Variants in XPO7 observed in about 807,000 individuals in gnomAD.
XPO7 encodes exportin-7.
XPO7 carries 21 observed loss-of-function variants against 144.3 expected under a neutral mutation model. The observed-to-expected ratio is 0.15, with a 90% CI of 0.10 to 0.21. The LOEUF (loss-of-function observed/expected upper bound fraction) is 0.21. Among genes scored for constraint, XPO7 ranks in the 10% least tolerant of loss-of-function variants. The probability of loss-of-function intolerance (pLI) is 1.00; values close to 1 mark genes in which losing one functional copy is unlikely to be tolerated. For missense variants in XPO7, 808 were observed against 1,325.8 expected, an observed-to-expected ratio of 0.61 and a Z score of 6.06; for synonymous variants, 580 against 499.6, an observed-to-expected ratio of 1.16 and a Z score of -2.15.
At chr8:21,974,613 GA>G in intron 5 of XPO7, 56 bp from the exon 6 acceptor site, 1 of 1,285,066 alleles carries the variant, frequency 7.8e-7, no homozygotes, top group South Asian at 1.4e-5. Flanking sequence ...AAGTCTACAT[GA>G]AAAATTCTTT....
rs774838580 is a variant in XPO7 at position 21,988,993 on chromosome 8, T to C, written c.1788-10T>C. ...GGTCTCCTGCTTTTTTTTTTCTTTT[T>C]GTCCTCCAGCATCACCAACTTGAAG... On this transcript the variant is annotated splice_polypyrimidine_tract_variant and intron_variant, in intron 15 of 27. Coordinates refer to ENST00000252512, the MANE Select transcript of XPO7 (RefSeq NM_015024.5). The C allele has an allele frequency of 4.3e-6, 7 of 1,611,326 alleles. No individual in the cohort carries two copies. Among genetic ancestry groups the C allele is most frequent in the Non-Finnish European group, 5.9e-6 (7 of 1,179,238 alleles).
At chr8:21,979,410 G>GT (rs1202192057) in intron 8 of XPO7, among the ~76,000 whole-genome samples, 231 of 128,986 alleles carry the variant, frequency 1.8e-3, no homozygotes, top group Middle Eastern at 4.0e-3. Flanking sequence ...TTTTTTTTTC[G>GT]TTTTTTTTTG....
intron 3 of XPO7, 24 bp downstream of exon 3, chr8:21,969,600 G>T: frequency 6.3e-7 from 1 of 1,592,308 alleles, no homozygotes; most frequent in Non-Finnish European, 8.6e-7. Flanking sequence ...TTTCTGTTCT[G>T]TCTTGAAGAA....
chr8:21,958,610 GA>G lies in XPO7; in HGVS notation c.19-8235del, dbSNP rs537417045. Among the ~76,000 whole-genome samples, 1,213 of 138,820 alleles carry G rather than the reference GA, an allele frequency of 8.7e-3. 10 individuals carry two copies. Among genetic ancestry groups the G allele is most frequent in the Non-Finnish European group, 0.013 (802 of 63,738 alleles). The allele number at this position is 138,820 out of a possible 152,430, so 91.1% of individuals were successfully genotyped here. ...ACAAAACTGCAAGAAACATGGCAGT[GA>G]AAAAAAAAAAACCCGTAAAGGACCT... On this transcript the variant is annotated intron_variant, in intron 1 of 27. Transcript: ENST00000252512.
intron 5 of XPO7, among the ~76,000 whole-genome samples, chr8:21,974,010 TTTTTTG>T (rs956394042): frequency 1.3e-5 from 2 of 152,086 alleles, no homozygotes; most frequent in African/African-American, 2.4e-5. Flanking sequence ...GTTGAGGGTT[TTTTTTG>T]TTTTTGTTTT....
chr8:21,951,829 A>AT (rs5890012), intron 1 of XPO7, among the ~76,000 whole-genome samples: 55,617 of 152,074 alleles, frequency 0.37, 10,646 homozygotes, highest in East Asian at 0.44. Context: ...TGGAATTTAC[A>AT]TAAAGTCTTA....
At position 21,927,825 on chromosome 8, in the gene XPO7, G is replaced by A. The variant is rs181718646; in HGVS notation, c.18+8037G>A. On this transcript the variant is annotated intron_variant, in intron 1 of 27. Coordinates refer to ENST00000252512, the MANE Select transcript of XPO7 (RefSeq NM_015024.5). ...CTCCCAAAGTGCTGGGATTACAGGC[G>A]TGAGCCACCGCACCTGGCTGACCCA... Among the ~76,000 whole-genome samples the A allele has an allele frequency of 6.6e-5, 10 of 152,272 alleles. No homozygotes were observed. In the East Asian group the frequency reaches 9.6e-4, roughly 15 times the overall value.
chr8:22,003,430 G>A (rs1813222054), intron 26 of XPO7, 113 bp downstream of exon 26: 2 of 758,152 alleles, frequency 2.6e-6, no homozygotes, highest in African/African-American at 1.8e-5. Context: ...GTGAAACAGG[G>A]AAAATGGGTC....
chr8:21,974,369 G>A (rs763297144), intron 5 of XPO7, among the ~76,000 whole-genome samples: 11 of 151,928 alleles, frequency 7.2e-5, no homozygotes, highest in Non-Finnish European at 1.0e-4. Context: ...TATCAGTAAC[G>A]TCTGCCAACA....
At position 21,970,106 on chromosome 8, in the gene XPO7, T is replaced by A. The variant is rs1189974217; in HGVS notation, c.260-38T>A. ...ACCCTTCTCTGGCAGAGCTTTCTAT[T>A]ATGTGGATTGGTTTTGTTTCTTGTT... On this transcript the variant is annotated intron_variant, in intron 3 of 27. Transcript: ENST00000252512. 1.9e-6 allele frequency: 3 copies of A among 1,592,034 alleles called. No homozygotes were observed. The African/African-American group carries it at 4.1e-5, about 22-fold the overall frequency.
At chr8:21,935,678 T>G (rs139661400) in intron 1 of XPO7, among the ~76,000 whole-genome samples, 1 of 152,224 alleles carries the variant, frequency 6.6e-6, no homozygotes, top group Non-Finnish European at 1.5e-5. Flanking sequence ...TTTTAATCCA[T>G]TTAGTAGTGG....
At chr8:21,990,986 T>G (rs1049929220) in intron 18 of XPO7, 67 bp downstream of exon 18, 1 of 1,432,606 alleles carries the variant, frequency 7.0e-7, no homozygotes, top group Admixed American at 1.8e-5. Flanking sequence ...ATTTGAGGAC[T>G]GAAAACTAGA....
chr8:21,964,631 C>T (rs929102480), intron 1 of XPO7, among the ~76,000 whole-genome samples: 3 of 151,934 alleles, frequency 2.0e-5, no homozygotes, highest in South Asian at 2.1e-4. Flanking sequence ...AAAAATGGAG[C>T]TGTCGTTCTT....
chr8:21,925,587 G>T (rs1381563934), intron 1 of XPO7, among the ~76,000 whole-genome samples: 1 of 152,154 alleles, frequency 6.6e-6, no homozygotes, highest in African/African-American at 2.4e-5. Flanking sequence ...TTGGTCATAG[G>T]GAAAGGGGGA....
chr8:21,935,809 G>C (rs1810801771), intron 1 of XPO7, among the ~76,000 whole-genome samples: 3 of 101,678 alleles, frequency 3.0e-5, no homozygotes, highest in South Asian at 2.7e-4. Flanking sequence ...CAGAGTCCAC[G>C]TGAGGGGTGG....
intron 1 of XPO7, among the ~76,000 whole-genome samples, chr8:21,948,383 G>A (rs1811260639): frequency 6.6e-6 from 1 of 152,128 alleles, no homozygotes; most frequent in South Asian, 2.1e-4. Flanking sequence ...GTACAGTAAC[G>A]TGGTACAGGT....
intron 6 of XPO7, among the ~76,000 whole-genome samples, chr8:21,975,833 C>T (rs756897678): frequency 1.8e-4 from 27 of 152,328 alleles, no homozygotes; most frequent in South Asian, 6.2e-4. Flanking sequence ...GGCCAGTACT[C>T]ACCTGTAGTC....
At chr8:21,988,120 C>T (rs1812641558) in intron 15 of XPO7, among the ~76,000 whole-genome samples, 1 of 152,194 alleles carries the variant, frequency 6.6e-6, no homozygotes, top group Non-Finnish European at 1.5e-5. Context: ...GAAACTCTGT[C>T]ATGTCATTAG....
At chr8:21,989,233 GC>G in intron 16 of XPO7, 150 bp downstream of exon 16, 1 of 735,986 alleles carries the variant, frequency 1.4e-6, no homozygotes, top group Non-Finnish European at 2.2e-6. Context: ...AAACGCCAAT[GC>G]CCATGCAGAA....
Sources: allele counts gnomAD v4.1 joint callset (sites outside exome capture counted in the v4.1 genomes callset), GRCh38; gene constraint gnomAD v4.1.1; transcripts MANE v1.5; gene names NCBI Gene and HGNC (gene_info 2026-07-23, HGNC 2026-07-21).